The following SBF2 variants were observed in gnomAD, a reference collection of about 807,000 sequenced individuals.
SBF2 encodes myotubularin-related protein 13.
In SBF2, 112 loss-of-function variants were observed where a neutral mutation model predicts 225.2. The ratio of observed to expected loss-of-function variants is 0.50; its 90% CI spans 0.43 to 0.58. SBF2 has a LOEUF of 0.58. SBF2 is among the 20% of genes least tolerant of loss of function. The pLI, the probability that SBF2 is intolerant of heterozygous loss-of-function variation, is 0.00. For missense variants in SBF2, 1,996 were observed against 2,206.2 expected, an observed-to-expected ratio of 0.90 and a Z score of 1.91; for synonymous variants, 763 against 773.3, an observed-to-expected ratio of 0.99 and a Z score of 0.22.
chr11:10,204,997 G>A (rs552470372), intron 1 of SBF2, among the ~76,000 whole-genome samples: 8 of 151,444 alleles, frequency 5.3e-5, no homozygotes, highest in South Asian at 2.1e-4. Context: ...AATACACACC[G>A]CGGCCTGTTG....
chr11:10,066,137 G>C (rs1051766347), intron 2 of SBF2, among the ~76,000 whole-genome samples: 2 of 151,718 alleles, frequency 1.3e-5, no homozygotes, highest in African/African-American at 2.4e-5. Context: ...AAACATTAAA[G>C]GTTTTTTCCT....
upstream of SBF2, among the ~76,000 whole-genome samples, chr11:10,295,974 T>G (rs912625604): frequency 6.6e-6 from 1 of 152,320 alleles, no homozygotes; most frequent in East Asian, 1.9e-4. Context: ...ACAACTACCA[T>G]GTCTATCTAG....
chr11:9,867,869 T>C (rs922648720), intron 17 of SBF2, among the ~76,000 whole-genome samples: 3 of 152,126 alleles, frequency 2.0e-5, no homozygotes, highest in Admixed American at 6.6e-5. Flanking sequence ...GAAGGGCTAC[T>C]GGGAAGGGGG....
intron 2 of SBF2, among the ~76,000 whole-genome samples, chr11:10,053,739 G>C (rs181028285): frequency 7.9e-5 from 12 of 151,688 alleles, no homozygotes; most frequent in Admixed American, 7.9e-4. Flanking sequence ...TTGGTGAAGA[G>C]TGAGACCTTG....
intron 1 of SBF2, among the ~76,000 whole-genome samples, chr11:10,285,628 T>A (rs1239131787): frequency 6.6e-6 from 1 of 152,204 alleles, no homozygotes; most frequent in South Asian, 2.1e-4. Flanking sequence ...ACATAAGGCA[T>A]ACACTGCATA....
chr11:10,127,271 A>C (rs145443916), intron 2 of SBF2, among the ~76,000 whole-genome samples: 351 of 152,242 alleles, frequency 2.3e-3, no homozygotes, highest in African/African-American at 7.5e-3. Flanking sequence ...AAGATTCTAC[A>C]TAATTAGTTT....
chr11:9,779,084 C>A lies in SBF2; in HGVS notation c.*1334G>T, dbSNP rs1851875845. ...CTTATATATTAACACAGTTCTATTT[C>A]CTAGTGTGTGGACAATTTTAAATTT... On this transcript the variant is annotated 3_prime_UTR_variant, in exon 40 of 40. Transcript: ENST00000256190. 6 of 152,528 alleles carry A rather than the reference C, an allele frequency of 3.9e-5. No individual in the cohort carries two copies. Among genetic ancestry groups the A allele is most frequent in the Admixed American group, 3.9e-4 (6 of 15,276 alleles). 9.4% of individuals were successfully genotyped at this position (152,528 alleles called of 1,614,324 possible). A position where few individuals can be genotyped will look rare whatever the true frequency, so the allele number is the denominator to read the frequency against.
At chr11:10,072,586 C>T (rs1950926686) in intron 2 of SBF2, among the ~76,000 whole-genome samples, 1 of 151,674 alleles carries the variant, frequency 6.6e-6, no homozygotes, top group African/African-American at 2.4e-5. Context: ...AATTCCTTTT[C>T]CTTTCTTGTA....
chr11:10,258,253 C>T (rs1158607320), intron 1 of SBF2, among the ~76,000 whole-genome samples: 1 of 151,976 alleles, frequency 6.6e-6, no homozygotes, highest in Admixed American at 6.6e-5. Context: ...TATAGGTATG[C>T]ACTACCACAT....
At chr11:10,251,604 G>A (rs1386974343) in intron 1 of SBF2, among the ~76,000 whole-genome samples, 1 of 152,100 alleles carries the variant, frequency 6.6e-6, no homozygotes, top group Admixed American at 6.6e-5. Context: ...TTTAATCTTA[G>A]GTGGTTTGGT....
intron 1 of SBF2, among the ~76,000 whole-genome samples, chr11:10,269,013 TC>T (rs1180260338): frequency 3.3e-5 from 5 of 152,174 alleles, no homozygotes; most frequent in African/African-American, 1.2e-4. Context: ...GATTTTTTTT[TC>T]CTAATTAAAA....
chr11:10,264,363 C>A (rs1481709897), intron 1 of SBF2, among the ~76,000 whole-genome samples: 1 of 151,940 alleles, frequency 6.6e-6, no homozygotes, highest in Admixed American at 6.6e-5. Context: ...ACTAAAAATT[C>A]TTTTAGGGAA....
chr11:10,246,684 A>G, intron 1 of SBF2, among the ~76,000 whole-genome samples: 1 of 152,258 alleles, frequency 6.6e-6, no homozygotes, highest in Non-Finnish European at 1.5e-5. Context: ...TCTGAAAAAT[A>G]CTATAACCAT....
intron 34 of SBF2, among the ~76,000 whole-genome samples, chr11:9,790,006 C>A (rs1038860008): frequency 1.3e-5 from 2 of 152,176 alleles, no homozygotes; most frequent in African/African-American, 4.8e-5. Context: ...ATGATTGGGG[C>A]CCAGGGGAGG....
At chr11:9,998,846 G>A (rs1947822569) in intron 8 of SBF2, among the ~76,000 whole-genome samples, 1 of 152,194 alleles carries the variant, frequency 6.6e-6, no homozygotes, top group Admixed American at 6.5e-5. Flanking sequence ...ATGGACTGCT[G>A]CATGAATGTT....
Position 9,993,064 on chromosome 11 carries a change from G to T in SBF2, c.1093C>A (p.Gln365Lys). 6.2e-7 allele frequency: 1 copy of T among 1,612,516 alleles called. No individual in the cohort carries two copies. ...VRAVFLRLFA[Q>K]LFQGYRSCLQ... ...CAGGATCTATATCCTTGGAAGAGTT[G>T]TGCAAATAATCTAAGGAAAACGGCT... The change falls in exon 11 of 40, where the codon CAA becomes AAA. Residue 365 changes from glutamine to lysine, a missense_variant. Coordinates refer to ENST00000256190, the MANE Select transcript of SBF2 (RefSeq NM_030962.4).
intron 1 of SBF2, among the ~76,000 whole-genome samples, chr11:10,279,219 C>G (rs755044143): frequency 6.6e-6 from 1 of 151,104 alleles, no homozygotes; most frequent in Admixed American, 6.6e-5. Context: ...TAAGACCAAC[C>G]TGGCCAACAT....
At chr11:10,042,356 T>A (rs553841966) in intron 3 of SBF2, among the ~76,000 whole-genome samples, 2 of 152,194 alleles carry the variant, frequency 1.3e-5, no homozygotes, top group Admixed American at 1.3e-4. Context: ...AAAGAGCAAT[T>A]ATTTTATATG....
chr11:9,853,708 C>T lies in SBF2; in HGVS notation c.2368G>A (p.Ala790Thr). 1 of 1,613,790 alleles carries T rather than the reference C, an allele frequency of 6.2e-7. No homozygotes were observed. Among genetic ancestry groups the T allele is most frequent in the Non-Finnish European group, 8.5e-7 (1 of 1,179,790 alleles). ...GSNSIVTNSI[A>T]GSVAESYDTE... ...TCATAGCTCTCAGCTACACTTCCTG[C>T]AATACTAAGACAGTCAAGGAAAGAA... The change falls in exon 20 of 40, where the codon GCA becomes ACA. Residue 790 changes from alanine (A) to threonine (T), a missense_variant. By Grantham distance (58) the Ala-to-Thr change is moderately conservative. Transcript: ENST00000256190.
Sources: allele counts gnomAD v4.1 joint callset (sites outside exome capture counted in the v4.1 genomes callset), GRCh38; gene constraint gnomAD v4.1.1; transcripts MANE v1.5; gene names NCBI Gene and HGNC (gene_info 2026-07-23, HGNC 2026-07-21).